Variants in GNAQ observed in about 807,000 individuals in gnomAD.
GNAQ encodes the protein G protein subunit alpha q, also known as guanine nucleotide-binding protein G(q) subunit alpha.
In GNAQ, 8 loss-of-function variants were observed where a neutral mutation model predicts 43.9. That is an observed-to-expected ratio of 0.18 (90% CI 0.11 to 0.33). The LOEUF is 0.33. GNAQ is among the 10% of genes least tolerant of loss of function. GNAQ has a pLI of 1.00. For missense variants in GNAQ, 158 were observed against 450.8 expected, an observed-to-expected ratio of 0.35 and a Z score of 5.88; for synonymous variants, 155 against 170.7, an observed-to-expected ratio of 0.91 and a Z score of 0.71.
chr9:77,924,911 TTC>T (rs1309885062), intron 1 of GNAQ, among the ~76,000 whole-genome samples: 1 of 151,976 alleles, frequency 6.6e-6, no homozygotes, highest in African/African-American at 2.4e-5. Context: ...CTTTGTTATA[TTC>T]TGTCTTCTGC....
rs570589754 is a variant in GNAQ, at chr9:78,023,671, T to C, written c.136+7429A>G. On this transcript the variant is annotated intron_variant, in intron 1 of 6. Transcript: ENST00000286548. The stretch of plus-strand genomic sequence containing the variant: ...GAAACAATAAAAATGAAAAAAATTT[T>C]TCAACATAAAAAAGAAACAAAAAAA... Among the ~76,000 whole-genome samples the C allele has an allele frequency of 4.6e-5, 7 of 152,222 alleles. No homozygotes were observed. In the South Asian group the frequency reaches 1.5e-3, roughly 32 times the overall value.
chr9:77,820,665 C>T (rs984293254), intron 2 of GNAQ, among the ~76,000 whole-genome samples: 12 of 152,180 alleles, frequency 7.9e-5, no homozygotes, highest in Non-Finnish European at 1.6e-4. Context: ...CCATGTCCTT[C>T]TTAAACTTGG....
At chr9:77,893,865 C>T (rs1274311359) in intron 2 of GNAQ, among the ~76,000 whole-genome samples, 1 of 152,140 alleles carries the variant, frequency 6.6e-6, no homozygotes, top group Non-Finnish European at 1.5e-5. Flanking sequence ...CCTCAGCATC[C>T]ATTAGAGGTG....
At chr9:77,777,516 C>T (rs1826321467) in intron 5 of GNAQ, among the ~76,000 whole-genome samples, 1 of 151,998 alleles carries the variant, frequency 6.6e-6, no homozygotes, top group Non-Finnish European at 1.5e-5. Context: ...AAATTAAAAG[C>T]CTTTGTGCTT....
chr9:77,861,957 A>G (rs1827861191), intron 2 of GNAQ, among the ~76,000 whole-genome samples: 1 of 145,840 alleles, frequency 6.9e-6, no homozygotes, highest in African/African-American at 2.5e-5. Context: ...GTGAGCTGAG[A>G]TCGTGCCACT....
At chr9:77,935,463 C>CT (rs1348166747) in intron 1 of GNAQ, among the ~76,000 whole-genome samples, 1 of 152,162 alleles carries the variant, frequency 6.6e-6, no homozygotes, top group Non-Finnish European at 1.5e-5. Context: ...TAAGATTCAG[C>CT]TTTTGTAAAA....
intron 2 of GNAQ, among the ~76,000 whole-genome samples, chr9:77,842,654 A>G (rs1021011171): frequency 6.6e-6 from 1 of 152,118 alleles, no homozygotes. Context: ...TGAGACACTG[A>G]GAGATTCCCC....
chr9:77,844,875 A>T (rs998354975), intron 2 of GNAQ, among the ~76,000 whole-genome samples: 2 of 151,808 alleles, frequency 1.3e-5, no homozygotes, highest in Non-Finnish European at 2.9e-5. Context: ...GGTTTTCACC[A>T]TGTTGGCCAG....
At position 77,721,226 on chromosome 9, in the gene GNAQ, A is replaced by G; in HGVS notation, c.*97T>C. On this transcript the variant is annotated 3_prime_UTR_variant, in exon 7 of 7. Coordinates refer to ENST00000286548, the MANE Select transcript of GNAQ (RefSeq NM_002072.5). ...ACAGAGTCCAGGACGGCAATAAATTAGTATTATGCAAATTGTTTTCCACAG... is the reference window on the plus strand; with the variant it reads ...ACAGAGTCCAGGACGGCAATAAATTGGTATTATGCAAATTGTTTTCCACAG... 1.4e-6 allele frequency: 1 copy of G among 714,448 alleles called. No individual in the cohort carries two copies. The highest frequency in any genetic ancestry group is 2.4e-6 in the Non-Finnish European group (1 of 418,552). 44.3% of individuals were successfully genotyped at this position (714,448 alleles called of 1,614,324 possible).
At chr9:77,804,470 T>G (rs1476300982) in intron 3 of GNAQ, among the ~76,000 whole-genome samples, 2 of 152,122 alleles carry the variant, frequency 1.3e-5, no homozygotes, top group African/African-American at 2.4e-5. Context: ...AGTTTCAGGG[T>G]GTAACCACTG....
At chr9:77,820,334 C>T (rs1033140170) in intron 2 of GNAQ, among the ~76,000 whole-genome samples, 2 of 152,196 alleles carry the variant, frequency 1.3e-5, no homozygotes, top group Non-Finnish European at 2.9e-5. Context: ...TTCACGTTTT[C>T]TGACTTCATT....
chr9:77,748,843 C>T (rs935375500), intron 5 of GNAQ, among the ~76,000 whole-genome samples: 2 of 152,102 alleles, frequency 1.3e-5, no homozygotes, highest in Middle Eastern at 3.2e-3. Context: ...AGGTATGATC[C>T]AGGTACTGGA....
At chr9:77,904,927 T>C (rs1281685840) in intron 2 of GNAQ, among the ~76,000 whole-genome samples, 2 of 152,132 alleles carry the variant, frequency 1.3e-5, no homozygotes, top group Non-Finnish European at 1.5e-5. Flanking sequence ...TATAATAAAT[T>C]ATACAAAAGT....
intron 5 of GNAQ, among the ~76,000 whole-genome samples, chr9:77,778,214 TACACAC>T (rs34540195): frequency 0.023 from 3,424 of 149,246 alleles, 95 homozygotes; most frequent in African/African-American, 0.07. Flanking sequence ...TTTACACGTT[TACACAC>T]ACACACACAC....
chr9:77,739,922 C>G (rs990398540), intron 5 of GNAQ, among the ~76,000 whole-genome samples: 3 of 152,154 alleles, frequency 2.0e-5, no homozygotes, highest in Admixed American at 6.5e-5. Context: ...CTAAGAAACA[C>G]TAAATACCTT....
At chr9:77,794,281 T>C (rs1176727938) in intron 5 of GNAQ, among the ~76,000 whole-genome samples, 182 bp downstream of exon 5, 1 of 152,150 alleles carries the variant, frequency 6.6e-6, no homozygotes. Context: ...CACAAAGACC[T>C]GCTCACACAT....
intron 1 of GNAQ, among the ~76,000 whole-genome samples, chr9:77,941,186 T>C (rs980098163): frequency 1.3e-5 from 2 of 152,090 alleles, no homozygotes; most frequent in Non-Finnish European, 2.9e-5. Context: ...ATTGGAATTC[T>C]ATACACCAAT....
At chr9:77,830,277 C>G (rs188361962) in intron 2 of GNAQ, among the ~76,000 whole-genome samples, 45 of 152,240 alleles carry the variant, frequency 3.0e-4, no homozygotes, top group Admixed American at 1.4e-3. Context: ...TAATGCCCCC[C>G]CAAGTGGTCT....
chr9:77,866,466 A>C (rs1827948281), intron 2 of GNAQ, among the ~76,000 whole-genome samples: 1 of 152,324 alleles, frequency 6.6e-6, no homozygotes, highest in South Asian at 2.1e-4. Context: ...TAAAAATTAA[A>C]AATTAAAACT....
Sources: gnomAD v4.1 joint callset for allele counts (sites outside exome capture counted in the v4.1 genomes callset) on GRCh38, gnomAD v4.1.1 for gene constraint, MANE v1.5 for transcripts, NCBI Gene and HGNC (gene_info 2026-07-23, HGNC 2026-07-21) for gene names.